Variants in RNGTT observed in about 807,000 individuals in gnomAD.
The protein encoded by RNGTT is mRNA-capping enzyme.
Under a neutral mutation model 79.3 loss-of-function variants are expected in RNGTT, and 33 were observed. That is an observed-to-expected ratio of 0.42 (90% CI 0.32 to 0.56). The LOEUF (loss-of-function observed/expected upper bound fraction) is 0.56. Among genes scored for constraint, RNGTT ranks in the 20% least tolerant of loss-of-function variants. The pLI, the probability that RNGTT is intolerant of heterozygous loss-of-function variation, is 0.17. For missense variants in RNGTT, 497 were observed against 739.1 expected (o/e 0.67, Z 3.80); for synonymous variants, 222 against 235.9 (o/e 0.94, Z 0.54).
At chr6:88,933,987 T>A (rs1021883910) in intron 2 of RNGTT, among the ~76,000 whole-genome samples, 1 of 152,198 alleles carries the variant, frequency 6.6e-6, no homozygotes, top group Admixed American at 6.6e-5. Context: ...TTTCTCCACA[T>A]CCTTGCCAGC....
At chr6:88,660,549 T>TAAAAAAAAAAAAAAAA (rs139978224) in intron 14 of RNGTT, among the ~76,000 whole-genome samples, 1 of 144,266 alleles carries the variant, frequency 6.9e-6, no homozygotes, top group African/African-American at 2.8e-5. Flanking sequence ...GCAACAATGG[T>TAAAAAAAAAAAAAAAA]AAAAAAAAAG....
intron 1 of RNGTT, among the ~76,000 whole-genome samples, chr6:88,945,013 G>A (rs1358093694): frequency 6.6e-6 from 1 of 152,236 alleles, no homozygotes; most frequent in Non-Finnish European, 1.5e-5. Context: ...AGCTTCTGCT[G>A]ATATGACTAA....
At chr6:88,649,461 G>C (rs533034631) in intron 14 of RNGTT, among the ~76,000 whole-genome samples, 2 of 152,244 alleles carry the variant, frequency 1.3e-5, no homozygotes, top group Non-Finnish European at 2.9e-5. Context: ...CACTTTGGGA[G>C]GCCGAGGCGG....
Position 88,903,292 on chromosome 6 carries a change from C to A in RNGTT, c.684+1423G>T, listed in dbSNP as rs191458111. On this transcript the variant is annotated intron_variant, in intron 6 of 15. Coordinates refer to ENST00000369485, the MANE Select transcript of RNGTT (RefSeq NM_003800.5). ...AGGTTGAGGTAGAAGGATCACTGAA[C>A]CCAGGGAGGTCAAGGCTGGGCTGCC... Among the ~76,000 whole-genome samples the A allele has an allele frequency of 1.8e-3, 275 of 152,270 alleles. 3 individuals are homozygous for A. Among genetic ancestry groups the A allele is most frequent in the African/African-American group, 6.5e-3 (269 of 41,556 alleles).
intron 13 of RNGTT, among the ~76,000 whole-genome samples, chr6:88,753,213 C>T (rs1364496573): frequency 6.6e-6 from 1 of 152,052 alleles, no homozygotes; most frequent in East Asian, 1.9e-4. Flanking sequence ...AAACTTACTC[C>T]TTACCAACAT....
intron 8 of RNGTT, 149 bp downstream of exon 8, chr6:88,890,346 A>C: frequency 1.7e-6 from 1 of 604,000 alleles, no homozygotes; most frequent in South Asian, 2.3e-5. Context: ...GAACACTAGC[A>C]AAACCAAAAA....
intron 13 of RNGTT, among the ~76,000 whole-genome samples, chr6:88,723,425 G>A (rs947006359): frequency 1.3e-5 from 2 of 152,092 alleles, no homozygotes; most frequent in African/African-American, 4.8e-5. Context: ...TACAGCCCCT[G>A]CCTCTTTGCA....
chr6:88,645,663 C>G (rs1014363126), intron 14 of RNGTT, among the ~76,000 whole-genome samples: 45 of 152,226 alleles, frequency 3.0e-4, no homozygotes, highest in Admixed American at 1.9e-3. Context: ...GAGATACAGA[C>G]CAATGGAACA....
chr6:88,696,376 A>C (rs557760895), intron 13 of RNGTT, among the ~76,000 whole-genome samples: 77 of 152,280 alleles, frequency 5.1e-4, no homozygotes, highest in African/African-American at 1.8e-3. Flanking sequence ...AATAGTTGAA[A>C]AGTGAATTTT....
intron 7 of RNGTT, 52 bp downstream of exon 7, chr6:88,891,752 AAG>A: frequency 9.2e-7 from 1 of 1,091,724 alleles, no homozygotes; most frequent in South Asian, 1.6e-5. Context: ...TGCTTGTATT[AAG>A]TGTTGTAAAA....
chr6:88,948,551 G>C (rs1414519377), intron 1 of RNGTT, among the ~76,000 whole-genome samples: 3 of 149,058 alleles, frequency 2.0e-5, no homozygotes, highest in Non-Finnish European at 4.5e-5. Flanking sequence ...CCTCTGCCCA[G>C]CCGCCCCTAC....
At chr6:88,656,178 T>C (rs73492495) in intron 14 of RNGTT, among the ~76,000 whole-genome samples, 1,972 of 152,292 alleles carry the variant, frequency 0.013, 47 homozygotes, top group African/African-American at 0.045. Flanking sequence ...CATATAAAGG[T>C]ATAATGAACT....
chr6:88,906,498 C>T, intron 4 of RNGTT, 58 bp from the exon 5 acceptor site: 1 of 959,676 alleles, frequency 1.0e-6, no homozygotes, highest in Non-Finnish European at 1.5e-6. Context: ...GCCACATTTA[C>T]TTTAAAATTC....
intron 6 of RNGTT, among the ~76,000 whole-genome samples, chr6:88,898,389 G>A (rs1783324666): frequency 6.6e-6 from 1 of 151,896 alleles, no homozygotes; most frequent in Non-Finnish European, 1.5e-5. Context: ...GGATTTCATA[G>A]CTAGATCCTC....
chr6:88,730,656 C>T (rs1777080081), intron 13 of RNGTT, among the ~76,000 whole-genome samples: 2 of 152,216 alleles, frequency 1.3e-5, no homozygotes, highest in African/African-American at 4.8e-5. Context: ...CTGCGCAGCC[C>T]AGTTCCTAAC....
intron 1 of RNGTT, among the ~76,000 whole-genome samples, chr6:88,946,625 GCTCTCC>G (rs112379823): frequency 0.32 from 47,625 of 149,676 alleles, 8,021 homozygotes; most frequent in East Asian, 0.62. Flanking sequence ...CTCGACAGCA[GCTCTCC>G]CTCTCCCTCT....
chr6:88,703,019 A>G (rs1274579522), intron 13 of RNGTT, among the ~76,000 whole-genome samples: 2 of 152,140 alleles, frequency 1.3e-5, no homozygotes, highest in Non-Finnish European at 2.9e-5. Context: ...TCACACCAGT[A>G]AGAACAACTA....
At chr6:88,622,389 T>A (rs1365534462) in intron 14 of RNGTT, among the ~76,000 whole-genome samples, 1 of 152,096 alleles carries the variant, frequency 6.6e-6, no homozygotes, top group Non-Finnish European at 1.5e-5. Flanking sequence ...ATGATGACTA[T>A]CATTCTTTCA....
intron 13 of RNGTT, among the ~76,000 whole-genome samples, chr6:88,692,112 G>A: frequency 6.6e-6 from 1 of 152,110 alleles, no homozygotes. Flanking sequence ...CAAAATGATG[G>A]TTTTCAGAAA....
Sources: gnomAD v4.1 joint callset for allele counts (sites outside exome capture counted in the v4.1 genomes callset) on GRCh38, gnomAD v4.1.1 for gene constraint, MANE v1.5 for transcripts, NCBI Gene and HGNC (gene_info 2026-07-23, HGNC 2026-07-21) for gene names.